The following APOBEC3B variants were observed in gnomAD, a reference collection of about 807,000 sequenced individuals.
The protein encoded by APOBEC3B is apolipoprotein B mRNA editing enzyme catalytic subunit 3B.
A neutral mutation model predicts 53.4 loss-of-function variants in APOBEC3B; 29 were observed. The ratio of observed to expected loss-of-function variants is 0.54; its 90% CI spans 0.40 to 0.74. APOBEC3B has a LOEUF of 0.74. Among genes scored for constraint, APOBEC3B ranks in the 30% least tolerant of loss-of-function variants. APOBEC3B has a pLI of 0.00. For synonymous variants in APOBEC3B, 132 were observed against 184.8 expected, an observed-to-expected ratio of 0.71 and a Z score of 2.32; for missense variants, 347 against 496.2, an observed-to-expected ratio of 0.70 and a Z score of 2.86.
intron 1 of APOBEC3B, among the ~76,000 whole-genome samples, chr22:38,982,918 G>A (rs1923590013): frequency 6.7e-6 from 1 of 148,812 alleles, no homozygotes; most frequent in Admixed American, 6.9e-5. Context: ...TGCGGGGGTA[G>A]GAATGGTCTC....
intron 1 of APOBEC3B, among the ~76,000 whole-genome samples, chr22:38,983,746 T>C (rs1923623089): frequency 6.7e-6 from 1 of 149,120 alleles, no homozygotes; most frequent in South Asian, 2.2e-4. Flanking sequence ...AAAGCTATTT[T>C]TTAGGGGTGA....
At chr22:38,989,804 G>C (rs2072866) in intron 5 of APOBEC3B, among the ~76,000 whole-genome samples, 194 bp downstream of exon 5, 40,895 of 147,698 alleles carry the variant, frequency 0.28, 8,101 homozygotes, top group East Asian at 0.48. Flanking sequence ...GTGGGGTTGA[G>C]TCTGCCCAAT....
At chr22:38,988,294 G>A (rs1923818938) in intron 4 of APOBEC3B, among the ~76,000 whole-genome samples, 2 of 148,480 alleles carry the variant, frequency 1.3e-5, no homozygotes, top group African/African-American at 4.9e-5. Flanking sequence ...ACCTCCTGGG[G>A]CAGATGCACA....
chr22:38,986,365 C>T lies in APOBEC3B; in HGVS notation c.522C>T (p.Phe174=), dbSNP rs991245951. ...EGQQFMPWYK[F]DENYAFLHRT... ...AGCAATTCATGCCTTGGTACAAATT[C>T]GATGAAAATTATGCATTCCTGCACC... Residue 174 remains phenylalanine, a synonymous_variant, in exon 4 of 8, where the codon TTC becomes TTT. Coordinates refer to ENST00000333467, the MANE Select transcript of APOBEC3B (RefSeq NM_004900.5). The T allele has an allele frequency of 1.1e-5, 18 of 1,593,800 alleles. 4 individuals carry two copies. The highest frequency in any genetic ancestry group is 1.7e-4 in the Middle Eastern group (1 of 6,022).
chr22:38,982,882 C>T (rs1923588950), intron 1 of APOBEC3B, among the ~76,000 whole-genome samples: 1 of 148,698 alleles, frequency 6.7e-6, no homozygotes, highest in South Asian at 2.2e-4. Context: ...AATTACTTTG[C>T]TTAAATACAA....
intron 5 of APOBEC3B, among the ~76,000 whole-genome samples, chr22:38,990,004 T>C (rs1267281622): frequency 7.1e-6 from 1 of 141,652 alleles, no homozygotes; most frequent in Non-Finnish European, 1.5e-5. Flanking sequence ...GATCAGGGGT[T>C]TTGTCCTGCC....
intron 5 of APOBEC3B, 86 bp downstream of exon 5, chr22:38,989,696 G>C: frequency 7.8e-7 from 1 of 1,282,384 alleles, no homozygotes; most frequent in Non-Finnish European, 1.0e-6. Flanking sequence ...GGTGCCTGTG[G>C]TTTCCTGCAG....
At position 38,989,733 on chromosome 22, in the gene APOBEC3B, T is replaced by A. The variant is rs1301810359; in HGVS notation, c.723+123T>A. On this transcript the variant is annotated intron_variant, in intron 5 of 7. Coordinates refer to ENST00000333467, the MANE Select transcript of APOBEC3B (RefSeq NM_004900.5). Reference sequence around the variant, plus strand: ...GTTTGTCACTTGTGCTTCCTGCAGCTGCTGCTGCTTGGCCCTGGAGTTGGG... The same window carrying A: ...GTTTGTCACTTGTGCTTCCTGCAGCAGCTGCTGCTTGGCCCTGGAGTTGGG... 15 of 1,007,268 alleles carry A rather than the reference T, an allele frequency of 1.5e-5. 1 individual carries two copies. The highest frequency in any genetic ancestry group is 2.0e-5 in the Non-Finnish European group (15 of 740,300). 62.4% of individuals were successfully genotyped at this position (1,007,268 alleles called of 1,614,324 possible).
chr22:38,982,547 C>A (rs1923574185), intron 1 of APOBEC3B, 77 bp downstream of exon 1: 6 of 1,532,150 alleles, frequency 3.9e-6, no homozygotes, highest in Non-Finnish European at 3.6e-6. Flanking sequence ...TCAACCCTGG[C>A]CTCCCCCCGC....
rs1228828589 is a variant in APOBEC3B, at chr22:38,984,174, G to A, written c.117G>A (p.Val39=). ...GCTACACTTGGCTGTGCTATGAAGT[G>A]AAAATAAAGAGGGGCCGCTCAAATC... ...GRSYTWLCYE[V]KIKRGRSNLL... Residue 39 remains valine, a synonymous_variant, in exon 2 of 8, where the codon GTG becomes GTA. Coordinates refer to ENST00000333467, the MANE Select transcript of APOBEC3B (RefSeq NM_004900.5). 3 of 1,592,758 alleles carry A rather than the reference G, an allele frequency of 1.9e-6. No homozygotes were observed. The Admixed American group carries it at 5.4e-5, about 28-fold the overall frequency.
rs1569037918 is a variant in APOBEC3B, at chr22:38,986,320, C to T, written c.477C>T (p.Asn159=). The part of the protein sequence containing the change: ...DYEEFAYCWE[N]FVYNEGQQFM... The stretch of plus-strand genomic sequence containing the variant: ...CAGAATTTGCATACTGCTGGGAAAA[C>T]TTTGTGTACAATGAAGGTCAGCAAT... The change falls in exon 4 of 8, where the codon AAC becomes AAT. Residue 159 remains asparagine, a synonymous_variant. Coordinates refer to ENST00000333467, the MANE Select transcript of APOBEC3B (RefSeq NM_004900.5). 1.9e-6 allele frequency: 3 copies of T among 1,593,700 alleles called. No individual in the cohort carries two copies. Among genetic ancestry groups the T allele is most frequent in the Non-Finnish European group, 2.6e-6 (3 of 1,172,598 alleles).
chr22:38,987,040 T>C (rs1169296882), intron 4 of APOBEC3B, among the ~76,000 whole-genome samples: 1 of 148,576 alleles, frequency 6.7e-6, no homozygotes, highest in African/African-American at 2.5e-5. Flanking sequence ...AGGCTTGCAC[T>C]CAGATGGGCC....
At chr22:38,988,595 C>T (rs1923828459) in intron 4 of APOBEC3B, among the ~76,000 whole-genome samples, 1 of 147,532 alleles carries the variant, frequency 6.8e-6, no homozygotes, top group Non-Finnish European at 1.5e-5. Flanking sequence ...CCCAGGTCTA[C>T]TAGAAATTGT....
Position 38,989,543 on chromosome 22 carries a change from A to G in APOBEC3B, c.656A>G (p.Glu219Gly). The G allele has an allele frequency of 6.3e-7, 1 of 1,589,846 alleles. No individual in the cohort carries two copies. Residue 219 changes from glutamate (E) to glycine (G), a missense_variant, in exon 5 of 8, where the codon GAG becomes GGG. Glu to Gly is a moderately conservative substitution (Grantham distance 98, BLOSUM62 -2). This residue lies in a region of APOBEC3B where 156 missense variants were observed against 166.7 expected (regional missense o/e 0.94). Transcript: ENST00000333467. ...LRRRQTYLCYEVERLDNGTWV... is the reference protein window; with the variant it reads ...LRRRQTYLCYGVERLDNGTWV... ...CGGCGCCAGACCTACTTGTGCTATG[A>G]GGTGGAGCGCCTGGACAATGGCACC...
chr22:38,991,986 C>T, intron 6 of APOBEC3B, 48 bp from the exon 7 acceptor site: 1 of 1,515,866 alleles, frequency 6.6e-7, no homozygotes, highest in Non-Finnish European at 8.8e-7. Flanking sequence ...TTGGTGCTGC[C>T]CCCTCCCCAC....
At chr22:38,987,913 G>A (rs2267405) in intron 4 of APOBEC3B, among the ~76,000 whole-genome samples, 92,208 of 147,404 alleles carry the variant, frequency 0.63, 32,008 homozygotes, top group South Asian at 0.75. Context: ...CCTGGCCAGC[G>A]TGGCAAAACC....
In APOBEC3B at chr22:38,986,366, G is replaced by A. The variant is rs781419105; in HGVS notation, c.523G>A (p.Asp175Asn). 6 of 1,593,820 alleles carry A rather than the reference G, an allele frequency of 3.8e-6. No homozygotes were observed. Among genetic ancestry groups the A allele is most frequent in the Non-Finnish European group, 5.1e-6 (6 of 1,172,710 alleles). ...GQQFMPWYKF[D>N]ENYAFLHRTL... is the part of the protein sequence containing the mutation. Reference sequence around the variant, plus strand: ...GCAATTCATGCCTTGGTACAAATTCGATGAAAATTATGCATTCCTGCACCG... The same window carrying A: ...GCAATTCATGCCTTGGTACAAATTCAATGAAAATTATGCATTCCTGCACCG... The change falls in exon 4 of 8, where the codon GAT becomes AAT. Residue 175 changes from aspartate to asparagine, a missense_variant. Asp to Asn is a conservative substitution (Grantham distance 23). This residue lies in a region of APOBEC3B where 156 missense variants were observed against 166.7 expected (regional missense o/e 0.94). Coordinates refer to ENST00000333467, the MANE Select transcript of APOBEC3B (RefSeq NM_004900.5).
chr22:38,991,807 T>G (rs8141143), intron 6 of APOBEC3B, among the ~76,000 whole-genome samples, 181 bp downstream of exon 6: 9,238 of 147,540 alleles, frequency 0.063, 910 homozygotes, highest in East Asian at 0.12. Context: ...GGAGGGTGGC[T>G]GGAAGTGGAA....
At chr22:38,985,432 A>T (rs546482028) in intron 2 of APOBEC3B, among the ~76,000 whole-genome samples, 6 of 148,084 alleles carry the variant, frequency 4.1e-5, no homozygotes, top group Non-Finnish European at 8.9e-5. Flanking sequence ...GTCGAGTCAC[A>T]GCTGCTCCAT....
Sources: gnomAD v4.1 joint callset for allele counts (sites outside exome capture counted in the v4.1 genomes callset) on GRCh38, gnomAD v4.1.1 for gene constraint, gnomAD v4.1.1 regional missense constraint, MANE v1.5 for transcripts, NCBI Gene and HGNC (gene_info 2026-07-23, HGNC 2026-07-21) for gene names.